The following FNDC3A variants were observed in gnomAD, a reference collection of about 807,000 sequenced individuals.
FNDC3A encodes the protein fibronectin type III domain containing 3A.
FNDC3A carries 32 observed loss-of-function variants against 148.9 expected under a neutral mutation model. The ratio of observed to expected loss-of-function variants is 0.21; its 90% CI spans 0.16 to 0.29. The LOEUF is 0.29. Ranked by LOEUF, FNDC3A falls within the 10% of genes least tolerant of loss-of-function variation. The pLI is 1.00. For synonymous variants in FNDC3A, 472 were observed against 473.6 expected (o/e 1.00, Z 0.04); for missense variants, 1,191 against 1,452.8 (o/e 0.82, Z 2.93).
intron 15 of FNDC3A, among the ~76,000 whole-genome samples, chr13:49,186,639 G>A (rs772080325): frequency 1.4e-4 from 22 of 152,086 alleles, no homozygotes; most frequent in Non-Finnish European, 2.5e-4. Flanking sequence ...AGGCCCAGGC[G>A]GGCAGATCAC....
intron 2 of FNDC3A, among the ~76,000 whole-genome samples, chr13:49,072,759 C>T (rs895218813): frequency 6.6e-6 from 1 of 152,132 alleles, no homozygotes; most frequent in Non-Finnish European, 1.5e-5. Context: ...ATTGGGATTA[C>T]AGGCATGAGC....
intron 19 of FNDC3A, 45 bp from the exon 20 acceptor site, chr13:49,196,831 AT>A (rs1886179146): frequency 1.9e-6 from 2 of 1,025,650 alleles, no homozygotes; most frequent in Non-Finnish European, 3.0e-6. Context: ...ATCAGTGGAC[AT>A]TTAAGGGTGA....
chr13:49,146,152 T>G, intron 8 of FNDC3A: 1 of 468,538 alleles, frequency 2.1e-6, no homozygotes, highest in Non-Finnish European at 3.8e-6. Flanking sequence ...TTGGCCACAT[T>G]CAGCTTTTTT....
At chr13:48,999,481 C>A (rs1375151887) in intron 1 of FNDC3A, among the ~76,000 whole-genome samples, 1 of 152,124 alleles carries the variant, frequency 6.6e-6, no homozygotes, top group Non-Finnish European at 1.5e-5. Context: ...TCTACCTTCA[C>A]CCATATCTGA....
chr13:49,032,774 A>T (rs1874218574), intron 2 of FNDC3A, among the ~76,000 whole-genome samples: 1 of 152,068 alleles, frequency 6.6e-6, no homozygotes. Flanking sequence ...TTTTGAGGTG[A>T]TAAGAATGTT....
At chr13:49,124,025 A>T (rs936764115) in intron 4 of FNDC3A, among the ~76,000 whole-genome samples, 1 of 150,984 alleles carries the variant, frequency 6.6e-6, no homozygotes, top group African/African-American at 2.4e-5. Flanking sequence ...AAATCATTGT[A>T]CTAGGACCAT....
chr13:49,042,059 T>G (rs1593507738), intron 2 of FNDC3A, among the ~76,000 whole-genome samples: 1 of 152,214 alleles, frequency 6.6e-6, no homozygotes, highest in African/African-American at 2.4e-5. Flanking sequence ...TCAGGGAGCG[T>G]CTTCCTGAGG....
intron 3 of FNDC3A, among the ~76,000 whole-genome samples, chr13:49,107,271 T>C (rs1880257217): frequency 6.6e-6 from 1 of 152,100 alleles, no homozygotes; most frequent in African/African-American, 2.4e-5. Context: ...GAAAGTAGAG[T>C]TATATAGAGT....
chr13:49,200,529 T>C (rs904524140), intron 23 of FNDC3A, among the ~76,000 whole-genome samples: 2 of 152,106 alleles, frequency 1.3e-5, no homozygotes, highest in Non-Finnish European at 2.9e-5. Context: ...TTTAAATTTT[T>C]TTCCTCCCCT....
At chr13:49,032,661 G>A (rs534605215) in intron 2 of FNDC3A, among the ~76,000 whole-genome samples, 9 of 152,082 alleles carry the variant, frequency 5.9e-5, no homozygotes, top group African/African-American at 9.7e-5. Context: ...GCGTGAACCC[G>A]GGAGGCGGAG....
At chr13:49,186,654 G>A (rs1885586222) in intron 15 of FNDC3A, among the ~76,000 whole-genome samples, 1 of 152,152 alleles carries the variant, frequency 6.6e-6, no homozygotes, top group Non-Finnish European at 1.5e-5. Flanking sequence ...GATCACATGA[G>A]GTCAGGAGTT....
intron 10 of FNDC3A, among the ~76,000 whole-genome samples, chr13:49,169,038 T>A (rs1254494694): frequency 2.0e-5 from 3 of 152,240 alleles, no homozygotes; most frequent in African/African-American, 7.2e-5. Context: ...TACTCCTTTT[T>A]GTAATATTTC....
chr13:49,032,916 A>C (rs984072062), intron 2 of FNDC3A, among the ~76,000 whole-genome samples: 8 of 152,166 alleles, frequency 5.3e-5, no homozygotes, highest in Non-Finnish European at 1.2e-4. Context: ...GCCTATTTGC[A>C]TTTTAAATAT....
At chr13:49,180,486 T>A (rs1885248909) in intron 14 of FNDC3A, among the ~76,000 whole-genome samples, 1 of 152,166 alleles carries the variant, frequency 6.6e-6, no homozygotes, top group African/African-American at 2.4e-5. Context: ...TTTACAAGAT[T>A]TATAAAATAC....
chr13:49,141,794 G>T (rs1488724280), intron 7 of FNDC3A, among the ~76,000 whole-genome samples: 1 of 152,068 alleles, frequency 6.6e-6, no homozygotes, highest in African/African-American at 2.4e-5. Context: ...ACTTTCTAAA[G>T]GAGCTATTTT....
chr13:49,137,132 A>C (rs1250160209), intron 6 of FNDC3A, among the ~76,000 whole-genome samples: 1 of 152,144 alleles, frequency 6.6e-6, no homozygotes, highest in East Asian at 1.9e-4. Flanking sequence ...CAACCTATCA[A>C]AACTTTTTAT....
At chr13:49,053,139 G>C (rs1199147259) in intron 2 of FNDC3A, among the ~76,000 whole-genome samples, 2 of 152,196 alleles carry the variant, frequency 1.3e-5, no homozygotes, top group Non-Finnish European at 2.9e-5. Flanking sequence ...ACTTGCCCCA[G>C]ATCATGAGCC....
chr13:49,043,715 A>G (rs1021981270), intron 2 of FNDC3A, among the ~76,000 whole-genome samples: 5 of 152,092 alleles, frequency 3.3e-5, no homozygotes, highest in Non-Finnish European at 4.4e-5. Flanking sequence ...ATTGCATTGT[A>G]CAATGCTTTA....
intron 2 of FNDC3A, among the ~76,000 whole-genome samples, chr13:49,058,933 C>A (rs1038984241): frequency 6.6e-6 from 1 of 152,112 alleles, no homozygotes; most frequent in Non-Finnish European, 1.5e-5. Flanking sequence ...AGCCATCTTT[C>A]AAAAATGAAA....
Sources: allele counts gnomAD v4.1 joint callset (sites outside exome capture counted in the v4.1 genomes callset), GRCh38; gene constraint gnomAD v4.1.1; transcripts MANE v1.5; gene names NCBI Gene and HGNC (gene_info 2026-07-23, HGNC 2026-07-21).